HSD17B14: variants seen among roughly 807,000 people sequenced by gnomAD.
HSD17B14 encodes the protein L-fucose dehydrogenase.
Under a neutral mutation model 32.2 loss-of-function variants are expected in HSD17B14, and 32 were observed. The ratio of observed to expected loss-of-function variants is 0.99; its 90% CI spans 0.75 to 1.33. The LOEUF (loss-of-function observed/expected upper bound fraction) is 1.33. HSD17B14 is among the 40% of genes most tolerant of loss of function. HSD17B14 has a pLI of 0.00. For synonymous variants in HSD17B14, 140 were observed against 155.4 expected, an observed-to-expected ratio of 0.90 and a Z score of 0.74; for missense variants, 370 against 366.5, an observed-to-expected ratio of 1.01 and a Z score of -0.08.
At chr19:48,816,022 GAAAA>G (rs71179053) in intron 5 of HSD17B14, among the ~76,000 whole-genome samples, 4,002 of 74,306 alleles carry the variant, frequency 0.054, 178 homozygotes, top group African/African-American at 0.16. Flanking sequence ...CTCCGTTTCA[GAAAA>G]AAAAAAAAAA....
At chr19:48,825,954 G>A (rs891504195) in intron 5 of HSD17B14, among the ~76,000 whole-genome samples, 1 of 152,040 alleles carries the variant, frequency 6.6e-6, no homozygotes, top group Non-Finnish European at 1.5e-5. Context: ...CCGAGTAGCT[G>A]GGACTACAGG....
At chr19:48,816,799 C>CTTTCT (rs1568517387) in intron 5 of HSD17B14, among the ~76,000 whole-genome samples, 1 of 113,214 alleles carries the variant, frequency 8.8e-6, no homozygotes, top group Non-Finnish European at 1.8e-5. Context: ...TTCTTTCTTT[C>CTTTCT]TTTCTTTCTT....
At position 48,835,852 on chromosome 19, in the gene HSD17B14, A is replaced by G; in HGVS notation, c.89-9T>C. 6.2e-7 allele frequency: 1 copy of G among 1,613,170 alleles called. No individual in the cohort carries two copies. Among genetic ancestry groups the G allele is most frequent in the Non-Finnish European group, 8.5e-7 (1 of 1,179,410 alleles). On this transcript the variant is annotated splice_polypyrimidine_tract_variant and intron_variant, in intron 1 of 8. Coordinates refer to ENST00000263278, the MANE Select transcript of HSD17B14 (RefSeq NM_016246.3). ...TCGGGCCCCGCTGTTCACTGAGAATAGGAAGGGAACAGGTTACTCTCCGAG... is the reference window on the plus strand; with the variant it reads ...TCGGGCCCCGCTGTTCACTGAGAATGGGAAGGGAACAGGTTACTCTCCGAG...
chr19:48,813,209 C>T lies in HSD17B14; in HGVS notation c.779G>A (p.Ser260Asn). 1 of 1,608,136 alleles carries T rather than the reference C, an allele frequency of 6.2e-7. No individual in the cohort carries two copies. The highest frequency in any genetic ancestry group is 1.9e-4 in the Middle Eastern group (1 of 5,188). The change falls in exon 9 of 9, where the codon AGC becomes AAC. Residue 260 changes from serine to asparagine, a missense_variant. Physicochemically the swap from Ser to Asn is conservative, Grantham distance 46 (BLOSUM62 1). Coordinates refer to ENST00000263278, the MANE Select transcript of HSD17B14 (RefSeq NM_016246.3). Reference sequence around the variant, plus strand: ...GATATCGGGGGCGTCCACGGGGGTGCTCCGACTGGCCTTGCACCCGTACCC... The same window carrying T: ...GATATCGGGGGCGTCCACGGGGGTGTTCCGACTGGCCTTGCACCCGTACCC... ...ELGYGCKASRSTPVDAPDIPS is the reference protein window; with the variant it reads ...ELGYGCKASRNTPVDAPDIPS
intron 5 of HSD17B14, among the ~76,000 whole-genome samples, chr19:48,824,264 TAA>T (rs919674049): frequency 3.7e-5 from 5 of 136,328 alleles, no homozygotes; most frequent in Non-Finnish European, 3.2e-5. Flanking sequence ...CTACTGAAAC[TAA>T]AAAAAAAAAA....
At chr19:48,833,957 T>C (rs1055292505) in intron 3 of HSD17B14, among the ~76,000 whole-genome samples, 86 of 152,136 alleles carry the variant, frequency 5.7e-4, no homozygotes, top group African/African-American at 2.0e-3. Flanking sequence ...ACCACTGCAC[T>C]CCAGCCTCAG....
At chr19:48,820,007 A>G (rs2035119307) in intron 5 of HSD17B14, among the ~76,000 whole-genome samples, 9 of 152,018 alleles carry the variant, frequency 5.9e-5, no homozygotes. Context: ...AAATACAAAA[A>G]TTAGCCAGGC....
intron 5 of HSD17B14, among the ~76,000 whole-genome samples, chr19:48,831,022 TG>T (rs1195465838): frequency 1.3e-5 from 2 of 151,824 alleles, no homozygotes; most frequent in South Asian, 2.1e-4. Context: ...TTTGTAGAGA[TG>T]GGGGGTTTCG....
chr19:48,823,227 T>C (rs894556635), intron 5 of HSD17B14, among the ~76,000 whole-genome samples: 2 of 152,038 alleles, frequency 1.3e-5, no homozygotes, highest in African/African-American at 2.4e-5. Context: ...CTGGACAAAA[T>C]GGTGAGACTC....
In HSD17B14 at chr19:48,815,221, A is replaced by T. The variant is rs934858695; in HGVS notation, c.370-80T>A. 20 of 1,053,742 alleles carry T rather than the reference A, an allele frequency of 1.9e-5. No individual in the cohort carries two copies. The Admixed American group carries it at 3.6e-4, about 19-fold the overall frequency. 65.3% of individuals were successfully genotyped at this position (1,053,742 alleles called of 1,614,324 possible). A position where few individuals can be genotyped will look rare whatever the true frequency, so the allele number is the denominator to read the frequency against. ...CTGAAACACAGCCACAGCCATCCTG[A>T]TGTCTGGGATGACGGCCACCTCCCT... is the stretch of plus-strand genomic sequence containing the variant. On this transcript the variant is annotated intron_variant, in intron 5 of 8. Transcript: ENST00000263278.
intron 4 of HSD17B14, 87 bp downstream of exon 4, chr19:48,832,579 C>G: frequency 8.5e-7 from 1 of 1,171,586 alleles, no homozygotes; most frequent in Non-Finnish European, 1.3e-6. Context: ...ATGAGGGAAT[C>G]AGGGGCAGGG....
intron 5 of HSD17B14, among the ~76,000 whole-genome samples, chr19:48,827,855 T>C (rs866451118): frequency 7.2e-6 from 1 of 139,088 alleles, no homozygotes; most frequent in East Asian, 2.0e-4. Flanking sequence ...TTCCTTTTTT[T>C]TTTCTTTTTT....
At chr19:48,834,002 T>G (rs902611088) in intron 3 of HSD17B14, among the ~76,000 whole-genome samples, 5 of 152,068 alleles carry the variant, frequency 3.3e-5, no homozygotes, top group Non-Finnish European at 7.4e-5. Context: ...GAAAAATCAG[T>G]TCCAGTTGAC....
At chr19:48,836,108 C>T (rs1251752361) in intron 1 of HSD17B14, among the ~76,000 whole-genome samples, 1 of 152,100 alleles carries the variant, frequency 6.6e-6, no homozygotes, top group African/African-American at 2.4e-5. Flanking sequence ...TGTAGCTACA[C>T]CAACAGACCC....
chr19:48,833,446 C>T (rs979369636), intron 3 of HSD17B14, among the ~76,000 whole-genome samples: 6 of 152,126 alleles, frequency 3.9e-5, no homozygotes, highest in Admixed American at 2.6e-4. Context: ...AATCCCAACA[C>T]TTTGGGAGGC....
rs773088286 is a variant in HSD17B14, at chr19:48,835,834, C to T, written c.98G>A (p.Gly33Glu). 1 of 1,613,604 alleles carries T rather than the reference C, an allele frequency of 6.2e-7. No individual in the cohort carries two copies. The highest frequency in any genetic ancestry group is 1.7e-5 in the Admixed American group (1 of 59,968). Residue 33 changes from glycine (G) to glutamate (E), a missense_variant, in exon 2 of 9, where the codon GGG (glycine) becomes GAG (glutamate). Physicochemically the swap from Gly to Glu is moderately conservative, Grantham distance 98. Coordinates refer to ENST00000263278, the MANE Select transcript of HSD17B14 (RefSeq NM_016246.3). ...CTTGTCGCAGATAACCACTCGGGCC[C>T]CGCTGTTCACTGAGAATAGGAAGGG... is the stretch of plus-strand genomic sequence containing the variant. The part of the protein sequence containing the change: ...AGIVRAFVNS[G>E]ARVVICDKDE...
chr19:48,832,215 C>T (rs887946450), intron 4 of HSD17B14, among the ~76,000 whole-genome samples: 1 of 150,822 alleles, frequency 6.6e-6, no homozygotes. Flanking sequence ...CCCATCTCTA[C>T]TAAAAATATA....
rs57693997 is a variant in HSD17B14, at chr19:48,828,529, G to A, written c.369+3139C>T. Among the ~76,000 whole-genome samples the A allele has an allele frequency of 1.4e-4, 22 of 152,184 alleles. No homozygotes were observed. The East Asian group carries it at 3.1e-3, about 21-fold the overall frequency. ...GCTGCTCAGGAGGCTGATACAAGAG[G>A]ATCACTTGAGCCCAGGGGTTCGAGG... is the stretch of plus-strand genomic sequence containing the variant. On this transcript the variant is annotated intron_variant, in intron 5 of 8. Transcript: ENST00000263278.
At chr19:48,822,190 A>G (rs2035165538) in intron 5 of HSD17B14, among the ~76,000 whole-genome samples, 1 of 139,416 alleles carries the variant, frequency 7.2e-6, no homozygotes, top group African/African-American at 2.7e-5. Context: ...GGTGGTAATG[A>G]TGGTGATGAT....
Sources: allele counts gnomAD v4.1 joint callset (sites outside exome capture counted in the v4.1 genomes callset), GRCh38; gene constraint gnomAD v4.1.1; transcripts MANE v1.5; gene names NCBI Gene and HGNC (gene_info 2026-07-23, HGNC 2026-07-21).